IKZF4: variants seen among roughly 807,000 people sequenced by gnomAD.
IKZF4 encodes the protein IKAROS family zinc finger 4.
A neutral mutation model predicts 47.7 loss-of-function variants in IKZF4; 11 were observed. The observed-to-expected ratio is 0.23, with a 90% CI of 0.15 to 0.38. The LOEUF (loss-of-function observed/expected upper bound fraction) is 0.38, where lower values mean the gene tolerates loss of function less well. IKZF4 is among the 10% of genes least tolerant of loss of function. The probability of loss-of-function intolerance (pLI) is 1.00; values close to 1 mark genes in which losing one functional copy is unlikely to be tolerated. For synonymous variants in IKZF4, 298 were observed against 299.4 expected, an observed-to-expected ratio of 1.00 and a Z score of 0.05; for missense variants, 557 against 784.9, an observed-to-expected ratio of 0.71 and a Z score of 3.47.
chr12:56,023,990 A>G (rs1295684019), intron 2 of IKZF4: 1 of 876,716 alleles, frequency 1.1e-6, no homozygotes, highest in Admixed American at 6.2e-5. Flanking sequence ...ATGTATCTAC[A>G]TATGTGTTGT....
chr12:56,034,889 G>A lies in IKZF4; in HGVS notation c.1316G>A (p.Arg439Gln), dbSNP rs377497771. The A allele has an allele frequency of 3.1e-5, 50 of 1,606,930 alleles. No individual in the cohort carries two copies. Among genetic ancestry groups the A allele is most frequent in the Middle Eastern group, 3.3e-4 (2 of 6,060 alleles). ...ADGGPLLYRP[R>Q]GPLTDPGASP... The stretch of plus-strand genomic sequence containing the variant: ...GGAGGTCCCCTCCTCTACCGGCCCC[G>A]AGGCCCCCTGACTGACCCTGGGGCA... The change falls in exon 8 of 8, where the codon CGA becomes CAA. Residue 439 changes from arginine to glutamine, a missense_variant. Arg to Gln is a conservative substitution (Grantham distance 43). Coordinates refer to ENST00000547167, the MANE Select transcript of IKZF4 (RefSeq NM_022465.4).
intron 1 of IKZF4, among the ~76,000 whole-genome samples, chr12:56,008,819 C>T (rs1263092212): frequency 6.6e-6 from 1 of 151,882 alleles, no homozygotes; most frequent in African/African-American, 2.4e-5. Context: ...GGATTACAGG[C>T]ACCCGCCACC....
intron 2 of IKZF4, 67 bp from the exon 3 acceptor site, chr12:56,024,987 G>C: frequency 6.5e-7 from 1 of 1,550,342 alleles, no homozygotes. Flanking sequence ...TTTTTTAAAA[G>C]ATTAGGCAAT....
chr12:56,014,151 G>A (rs1396996700), intron 2 of IKZF4, among the ~76,000 whole-genome samples: 5 of 136,686 alleles, frequency 3.7e-5, no homozygotes, highest in East Asian at 4.1e-4. Context: ...TCGAGACTCC[G>A]TCTCAAAAAA....
At chr12:56,010,345 C>G (rs1238713408) in intron 1 of IKZF4, 1 of 152,112 alleles carries the variant, frequency 6.6e-6, no homozygotes, top group Non-Finnish European at 1.5e-5. Context: ...ATATGAATGA[C>G]CTGGTCCAGC....
At chr12:56,014,434 G>A (rs1891747245) in intron 2 of IKZF4, among the ~76,000 whole-genome samples, 1 of 152,174 alleles carries the variant, frequency 6.6e-6, no homozygotes, top group African/African-American at 2.4e-5. Context: ...TGCTTCACCT[G>A]TTCTACCCAC....
rs756122490 is a variant in IKZF4 at position 56,021,545 on chromosome 12, C to G, written c.52C>G (p.Arg18Gly). 3.1e-6 allele frequency: 5 copies of G among 1,608,840 alleles called. No individual in the cohort carries two copies. Among genetic ancestry groups the G allele is most frequent in the Non-Finnish European group, 4.2e-6 (5 of 1,178,182 alleles). Residue 18 changes from arginine to glycine, a missense_variant, in exon 1 of 8, where the codon CGC becomes GGC. Physicochemically the swap from Arg to Gly is moderately radical, Grantham distance 125. This residue lies in a region of IKZF4 where 44 missense variants were observed against 39.7 expected (regional missense o/e 1.11). Coordinates refer to ENST00000547167, the MANE Select transcript of IKZF4 (RefSeq NM_022465.4). The part of the protein sequence containing the change: ...PRRFQGGGRV[R>G]TPGSHRQGKD... ...CCGTTTCCAAGGCGGCGGCCGCGTT[C>G]GCACCCCAGGGTCTCACCGGCAAGG...
intron 3 of IKZF4, 148 bp from the exon 4 acceptor site, chr12:56,026,633 G>A (rs1470822270): frequency 3.8e-6 from 3 of 787,752 alleles, no homozygotes; most frequent in African/African-American, 1.9e-5. Context: ...AGGTTGCGTC[G>A]AGCCAAATTC....
Position 56,027,937 on chromosome 12 carries a change from C to A in IKZF4, c.705C>A (p.Arg235=). Residue 235 remains arginine, a synonymous_variant, in exon 5 of 8, where the codon CGC becomes CGA. Transcript: ENST00000547167. ...GTGATGCACTCACTGGTCACCTCCG[C>A]ACACACTCAGGTCAGTGTCTGTCCA... is the stretch of plus-strand genomic sequence containing the variant. ...RRRDALTGHL[R]THSVSSPTVG... 6.4e-7 allele frequency: 1 copy of A among 1,569,466 alleles called. No individual in the cohort carries two copies. The highest frequency in any genetic ancestry group is 2.2e-5 in the East Asian group (1 of 44,670).
rs1304451311 is a variant in IKZF4, at chr12:56,032,682, T to A, written c.837T>A (p.Thr279=). The stretch of plus-strand genomic sequence containing the variant: ...ATAACTACCTACAGAGTCTCAGCAC[T>A]GAAGCCCAAGCTTTGGCTGGCCAAC... The part of the protein sequence containing the change: ...RCHNYLQSLS[T]EAQALAGQPG... Residue 279 remains threonine, a synonymous_variant, in exon 6 of 8, where the codon ACT becomes ACA. Coordinates refer to ENST00000547167, the MANE Select transcript of IKZF4 (RefSeq NM_022465.4). 6.2e-7 allele frequency: 1 copy of A among 1,613,946 alleles called. No individual in the cohort carries two copies. Among genetic ancestry groups the A allele is most frequent in the African/African-American group, 1.3e-5 (1 of 74,936 alleles).
Position 56,032,580 on chromosome 12 carries a change from C to T in IKZF4, c.735C>T (p.Gly245=), listed in dbSNP as rs780144104. ...CCACAGTCTCCTCTCCCACAGTGGG[C>T]AAGCCCTACAAGTGTAACTACTGTG... The part of the protein sequence containing the change: ...RTHSVSSPTV[G]KPYKCNYCGR... Residue 245 remains glycine, a synonymous_variant, in exon 6 of 8, where the codon GGC becomes GGT. Coordinates refer to ENST00000547167, the MANE Select transcript of IKZF4 (RefSeq NM_022465.4). 1 of 1,613,362 alleles carries T rather than the reference C, an allele frequency of 6.2e-7. No homozygotes were observed. Among genetic ancestry groups the T allele is most frequent in the Admixed American group, 1.7e-5 (1 of 59,854 alleles).
Position 56,035,031 on chromosome 12 carries a change from G to C in IKZF4, c.1458G>C (p.Val486=), listed in dbSNP as rs769588449. 1.7e-5 allele frequency: 27 copies of C among 1,559,616 alleles called. No homozygotes were observed. The highest frequency in any genetic ancestry group is 9.2e-5 in the Admixed American group (5 of 54,132). ...GPPPQPPPTI[V]VGRHSPAYAK... is the part of the protein sequence containing the mutation. Reference sequence around the variant, plus strand: ...CACCCCAGCCACCTCCCACCATTGTGGTGGGCCGGCACAGTCCTGCCTACG... The same window carrying C: ...CACCCCAGCCACCTCCCACCATTGTCGTGGGCCGGCACAGTCCTGCCTACG... Residue 486 remains valine (V), a synonymous_variant, in exon 8 of 8, where the codon GTG becomes GTC. Transcript: ENST00000547167. The surrounding 1 kb of genome is among the most constrained non-coding windows in gnomAD (Gnocchi z 6.1).
chr12:56,021,566 C>T lies in IKZF4; in HGVS notation c.73C>T (p.Gln25Ter). The T allele has an allele frequency of 6.2e-7, 1 of 1,605,854 alleles. No individual in the cohort carries two copies. Among genetic ancestry groups the T allele is most frequent in the Non-Finnish European group, 8.5e-7 (1 of 1,176,822 alleles). Residue 25 changes from glutamine (Q) to a stop codon, truncating the protein, a stop_gained, in exon 1 of 8, where the codon CAA (glutamine) becomes TAA (stop). Coordinates refer to ENST00000547167, the MANE Select transcript of IKZF4 (RefSeq NM_022465.4). LOFTEE classifies it high-confidence loss of function. ...CGTTCGCACCCCAGGGTCTCACCGG[C>T]AAGGGAAGGATAATGTAAGTTCAGG... The part of the protein sequence containing the change: ...GRVRTPGSHR[Q>*]GKDNLERDPS...
In IKZF4 at chr12:56,025,055, T is replaced by G; in HGVS notation, c.183T>G (p.Ser61Arg). ...HFIMESLFCE[S>R]SGDSSLEKEF... ...TGCCCTCTTGTTCTCTCCTCCAAGGTAGCGGGGACTCATCTCTGGAGAAGG... is the reference window on the plus strand; with the variant it reads ...TGCCCTCTTGTTCTCTCCTCCAAGGGAGCGGGGACTCATCTCTGGAGAAGG... Residue 61 changes from serine (S) to arginine (R), a missense_variant and splice_region_variant, in exon 3 of 8, where the codon AGT becomes AGG. By Grantham distance (110) the Ser-to-Arg change is moderately radical (BLOSUM62 -1). Around this residue, in one of 6 missense-constraint regions of IKZF4, gnomAD observed 112 missense variants for 168.2 expected, o/e 0.67. Coordinates refer to ENST00000547167, the MANE Select transcript of IKZF4 (RefSeq NM_022465.4). 2 of 1,580,148 alleles carry G rather than the reference T, an allele frequency of 1.3e-6. No homozygotes were observed. Among genetic ancestry groups the G allele is most frequent in the Non-Finnish European group, 1.7e-6 (2 of 1,162,896 alleles).
chr12:56,014,111 G>A (rs371730613), intron 2 of IKZF4, among the ~76,000 whole-genome samples: 2 of 150,420 alleles, frequency 1.3e-5, no homozygotes, highest in Non-Finnish European at 3.0e-5. Flanking sequence ...AGATGAGATC[G>A]TGCCACTGCA....
intron 6 of IKZF4, 42 bp from the exon 7 acceptor site, chr12:56,033,148 C>T: frequency 1.2e-6 from 2 of 1,607,086 alleles, no homozygotes; most frequent in Non-Finnish European, 1.7e-6. Flanking sequence ...CAATGCTACC[C>T]CTACTCAACT....
At chr12:56,015,222 G>A (rs868702384) in intron 2 of IKZF4, among the ~76,000 whole-genome samples, 1 of 151,882 alleles carries the variant, frequency 6.6e-6, no homozygotes, top group African/African-American at 2.4e-5. Flanking sequence ...GATTACGGGC[G>A]CACCCCACCA....
At chr12:56,012,839 AGGCACAGT>A (rs1325930266) in intron 2 of IKZF4, among the ~76,000 whole-genome samples, 1 of 152,158 alleles carries the variant, frequency 6.6e-6, no homozygotes, top group Non-Finnish European at 1.5e-5. Context: ...GGGAAGAGCT[AGGCACAGT>A]GGCACATGCA....
chr12:56,015,817 T>C (rs918527425), intron 2 of IKZF4, among the ~76,000 whole-genome samples: 1 of 152,192 alleles, frequency 6.6e-6, no homozygotes, highest in Non-Finnish European at 1.5e-5. Context: ...TCTCAAGTTT[T>C]GTGGCTAGTT....
Sources: gnomAD v4.1 joint callset for allele counts (sites outside exome capture counted in the v4.1 genomes callset) on GRCh38, gnomAD v4.1.1 for gene constraint, gnomAD v4.1.1 regional missense constraint, Gnocchi (gnomAD v3.1) non-coding constraint, MANE v1.5 for transcripts, NCBI Gene and HGNC (gene_info 2026-07-23, HGNC 2026-07-21) for gene names.